The following NT5E variants were observed in gnomAD, a reference collection of about 807,000 sequenced individuals.
NT5E encodes the protein 5'-nucleotidase ecto, also known as 5'-nucleotidase.
In NT5E, 53 loss-of-function variants were observed where a neutral mutation model predicts 55.1. The ratio of observed to expected loss-of-function variants is 0.96; its 90% CI spans 0.77 to 1.21. The LOEUF is 1.21. Among genes scored for constraint, NT5E ranks in the 50% most tolerant of loss-of-function variants. The probability of loss-of-function intolerance (pLI) is 0.00; values close to 1 mark genes in which losing one functional copy is unlikely to be tolerated. For missense variants in NT5E, 683 were observed against 724.3 expected (o/e 0.94, Z 0.65); for synonymous variants, 270 against 278.4 (o/e 0.97, Z 0.30).
At chr6:85,490,703 C>A in intron 7 of NT5E, 46 bp downstream of exon 7, 1 of 1,608,450 alleles carries the variant, frequency 6.2e-7, no homozygotes, top group African/African-American at 1.3e-5. Flanking sequence ...AGTGACATGG[C>A]ATTTCCTGCT....
intron 7 of NT5E, chr6:85,491,105 A>T (rs750867522): frequency 1.9e-6 from 1 of 529,840 alleles, no homozygotes; most frequent in African/African-American, 1.9e-5. Flanking sequence ...CTGCACAGAC[A>T]TACCTGAACA....
chr6:85,473,060 G>A (rs888577264), intron 3 of NT5E, among the ~76,000 whole-genome samples: 1 of 152,200 alleles, frequency 6.6e-6, no homozygotes, highest in Admixed American at 6.5e-5. Context: ...TGAGGATGAC[G>A]ACTAGCACTG....
chr6:85,469,768 C>T (rs1221845077), intron 2 of NT5E, among the ~76,000 whole-genome samples: 2 of 152,234 alleles, frequency 1.3e-5, no homozygotes, highest in Non-Finnish European at 2.9e-5. Context: ...CTGTCCAACA[C>T]ATCTGTGAGC....
intron 3 of NT5E, 66 bp from the exon 4 acceptor site, chr6:85,485,169 G>T: frequency 8.0e-6 from 12 of 1,495,524 alleles, no homozygotes; most frequent in Non-Finnish European, 1.1e-5. Context: ...CCAGTAGCCC[G>T]CTGGCCTACA....
intron 6 of NT5E, among the ~76,000 whole-genome samples, chr6:85,490,269 T>C (rs1455091848): frequency 6.6e-6 from 1 of 152,234 alleles, no homozygotes; most frequent in Non-Finnish European, 1.5e-5. Flanking sequence ...ATGGTGAACT[T>C]CTGAGGCACA....
intron 2 of NT5E, among the ~76,000 whole-genome samples, chr6:85,467,504 C>T (rs1157906163): frequency 6.6e-6 from 1 of 152,158 alleles, no homozygotes; most frequent in East Asian, 1.9e-4. Flanking sequence ...TTGACAAAAA[C>T]AGTATCTTTG....
chr6:85,481,580 G>A (rs906180496), intron 3 of NT5E, among the ~76,000 whole-genome samples: 2 of 152,142 alleles, frequency 1.3e-5, no homozygotes, highest in African/African-American at 4.8e-5. Flanking sequence ...GAATAAACAA[G>A]AAGTAAAAAG....
rs1370889964 is a variant in NT5E at position 85,495,084 on chromosome 6, T to C, written c.*1080T>C. 1 of 152,246 alleles carries C rather than the reference T, an allele frequency of 6.6e-6. No homozygotes were observed. Among genetic ancestry groups the C allele is most frequent in the Non-Finnish European group, 1.5e-5 (1 of 68,044 alleles). 9.4% of individuals were successfully genotyped at this position (152,246 alleles called of 1,614,324 possible). On this transcript the variant is annotated 3_prime_UTR_variant, in exon 9 of 9. Transcript: ENST00000257770. The stretch of plus-strand genomic sequence containing the variant: ...CAAGAGGCTAGCACTGAATTCATTC[T>C]ACTCATACTACACACCCAGTTATGG...
chr6:85,486,024 C>A (rs1394497461), intron 4 of NT5E, among the ~76,000 whole-genome samples: 1 of 152,116 alleles, frequency 6.6e-6, no homozygotes, highest in Admixed American at 6.5e-5. Flanking sequence ...TCTGGTCCTG[C>A]GGTGCCAACA....
chr6:85,452,130 T>A (rs773970520), intron 1 of NT5E, among the ~76,000 whole-genome samples: 1 of 152,228 alleles, frequency 6.6e-6, no homozygotes, highest in Non-Finnish European at 1.5e-5. Flanking sequence ...CACTCAGTAA[T>A]GACAAAATAA....
intron 3 of NT5E, among the ~76,000 whole-genome samples, chr6:85,474,567 A>G (rs891849182): frequency 1.3e-5 from 2 of 152,218 alleles, no homozygotes; most frequent in African/African-American, 4.8e-5. Context: ...ATGATTGCTT[A>G]CCAAGATTAA....
intron 4 of NT5E, 126 bp downstream of exon 4, chr6:85,485,558 C>A: frequency 2.0e-6 from 2 of 996,152 alleles, no homozygotes; most frequent in Non-Finnish European, 3.1e-6. Flanking sequence ...AATTTAGTTT[C>A]TTCCTTGAGT....
At chr6:85,486,287 A>T (rs1370440494) in intron 4 of NT5E, among the ~76,000 whole-genome samples, 2 of 152,204 alleles carry the variant, frequency 1.3e-5, no homozygotes, top group African/African-American at 4.8e-5. Context: ...TCTTTCCATA[A>T]CCTATGATTA....
intron 8 of NT5E, among the ~76,000 whole-genome samples, chr6:85,492,567 T>C (rs934355688): frequency 1.3e-5 from 2 of 152,178 alleles, no homozygotes; most frequent in African/African-American, 4.8e-5. Context: ...GAAGTTTCTG[T>C]GTGAATCAGT....
intron 3 of NT5E, among the ~76,000 whole-genome samples, chr6:85,477,692 G>A (rs890326566): frequency 1.2e-4 from 18 of 152,280 alleles, no homozygotes; most frequent in Admixed American, 6.5e-4. Context: ...CTTTTAGAAC[G>A]AGAAAACAAT....
intron 1 of NT5E, among the ~76,000 whole-genome samples, chr6:85,451,707 G>T (rs942559820): frequency 6.6e-6 from 1 of 152,118 alleles, no homozygotes; most frequent in Non-Finnish European, 1.5e-5. Context: ...GATTAGGCTG[G>T]GATACAGAAG....
At chr6:85,460,296 C>G (rs966008007) in intron 1 of NT5E, among the ~76,000 whole-genome samples, 1 of 152,140 alleles carries the variant, frequency 6.6e-6, no homozygotes, top group African/African-American at 2.4e-5. Context: ...GCCTTTCCCA[C>G]TGTGTTTGGA....
At chr6:85,459,876 CA>C in intron 1 of NT5E, among the ~76,000 whole-genome samples, 2 of 152,258 alleles carry the variant, frequency 1.3e-5, no homozygotes, top group South Asian at 4.1e-4. Flanking sequence ...AATCAACGAT[CA>C]AAGAATGAAG....
intron 2 of NT5E, among the ~76,000 whole-genome samples, chr6:85,468,489 G>A (rs1031399202): frequency 1.3e-5 from 2 of 152,174 alleles, no homozygotes; most frequent in African/African-American, 4.8e-5. Context: ...TAGGATGCAG[G>A]CTCCATGAGG....
Sources: allele counts gnomAD v4.1 joint callset (sites outside exome capture counted in the v4.1 genomes callset), GRCh38; gene constraint gnomAD v4.1.1; transcripts MANE v1.5; gene names NCBI Gene and HGNC (gene_info 2026-07-23, HGNC 2026-07-21).